MAPK14: variants seen among roughly 807,000 people sequenced by gnomAD.
The protein encoded by MAPK14 is mitogen-activated protein kinase 14.
MAPK14 carries 16 observed loss-of-function variants against 49.6 expected under a neutral mutation model. That is an observed-to-expected ratio of 0.32 (90% CI 0.22 to 0.49). MAPK14 has a LOEUF of 0.49. Ranked by LOEUF, MAPK14 falls within the 20% of genes least tolerant of loss-of-function variation. The pLI, the probability that MAPK14 is intolerant of heterozygous loss-of-function variation, is 0.99. For missense variants in MAPK14, 200 were observed against 441.2 expected, an observed-to-expected ratio of 0.45 and a Z score of 4.90; for synonymous variants, 142 against 158.0, an observed-to-expected ratio of 0.90 and a Z score of 0.76.
In MAPK14 at chr6:36,093,911, G is replaced by A. The variant is rs531789183; in HGVS notation, c.683-2076G>A. Among the ~76,000 whole-genome samples the A allele has an allele frequency of 1.2e-4, 19 of 152,226 alleles. No individual in the cohort carries two copies. In the South Asian group the frequency reaches 3.5e-3, roughly 28 times the overall value. On this transcript the variant is annotated intron_variant, in intron 8 of 11. Coordinates refer to ENST00000229794, the MANE Select transcript of MAPK14 (RefSeq NM_139012.3). The stretch of plus-strand genomic sequence containing the variant: ...CATATATGATTTACTTTATCTTGTG[G>A]TGGCTACCCAGTTAAATATATTCCT...
At chr6:36,104,424 G>A (rs1765738318) in intron 10 of MAPK14, among the ~76,000 whole-genome samples, 1 of 151,762 alleles carries the variant, frequency 6.6e-6, no homozygotes. Context: ...GTCTCGCTCT[G>A]TCGTCCAGGT....
chr6:36,058,882 CTTT>C (rs70975128), intron 2 of MAPK14, among the ~76,000 whole-genome samples: 25 of 128,398 alleles, frequency 1.9e-4, no homozygotes, highest in Admixed American at 3.9e-4. Context: ...GATCCTGACT[CTTT>C]TTTTTTTTTT....
chr6:36,108,148 G>A (rs749105966), intron 11 of MAPK14, among the ~76,000 whole-genome samples: 1 of 152,174 alleles, frequency 6.6e-6, no homozygotes, highest in African/African-American at 2.4e-5. Flanking sequence ...GAGCTTAAAA[G>A]AAGAGGCACT....
At chr6:36,075,421 T>C (rs1446485967) in intron 6 of MAPK14, among the ~76,000 whole-genome samples, 2 of 152,094 alleles carry the variant, frequency 1.3e-5, no homozygotes, top group African/African-American at 2.4e-5. Context: ...CTTGGTGTAA[T>C]GATTCGGTAT....
At chr6:36,114,784 T>C (rs1441352346), downstream of MAPK14, among the ~76,000 whole-genome samples, 4 of 152,238 alleles carry the variant, frequency 2.6e-5, no homozygotes, top group Admixed American at 6.5e-5. Flanking sequence ...AGTTATCCTT[T>C]GTTCAGAAGT....
intron 10 of MAPK14, among the ~76,000 whole-genome samples, chr6:36,105,494 T>A (rs982926587): frequency 2.6e-5 from 4 of 152,200 alleles, no homozygotes; most frequent in Admixed American, 2.6e-4. Context: ...TAACAGAGAC[T>A]TGTCGTATAA....
At chr6:36,096,135 CT>C in intron 9 of MAPK14, 69 bp downstream of exon 9, 3 of 1,088,724 alleles carry the variant, frequency 2.8e-6, no homozygotes, top group Non-Finnish European at 4.2e-6. Flanking sequence ...CCAATCTGTA[CT>C]TTGACCTGGG....
chr6:36,036,646 A>T (rs1479653906), intron 1 of MAPK14, among the ~76,000 whole-genome samples: 1 of 152,364 alleles, frequency 6.6e-6, no homozygotes, highest in South Asian at 2.1e-4. Context: ...GGCAGCAGCC[A>T]TCAACACTGA....
rs766025283 is a variant in MAPK14, at chr6:36,052,736, G to T, written c.154G>T (p.Val52Leu). The T allele has an allele frequency of 3.1e-6, 5 of 1,612,198 alleles. No homozygotes were observed. The South Asian group carries it at 5.5e-5, about 18-fold the overall frequency. Reference sequence around the variant, plus strand: ...CACAAAAACGGGGTTACGTGTGGCAGTGAAGAAGCTCTCCAGACCATTTCA... The same window carrying T: ...CACAAAAACGGGGTTACGTGTGGCATTGAAGAAGCTCTCCAGACCATTTCA... ...FDTKTGLRVA[V>L]KKLSRPFQSI... Residue 52 changes from valine to leucine, a missense_variant, in exon 2 of 12, where the codon GTG (valine) becomes TTG (leucine). Around this residue, in one of 2 missense-constraint regions of MAPK14, gnomAD observed 170 missense variants for 407.0 expected, o/e 0.42. Transcript: ENST00000229794.
At position 36,109,904 on chromosome 6, in the gene MAPK14, T is replaced by C. The variant is rs200420151; in HGVS notation, c.*1457T>C. ...TATGGAAAAGGGTCTTCTTGGCAGC[T>C]TAACATTGACTTCTTGGTTTGGGGA... On this transcript the variant is annotated 3_prime_UTR_variant, in exon 12 of 12. Coordinates refer to ENST00000229794, the MANE Select transcript of MAPK14 (RefSeq NM_139012.3). The C allele has an allele frequency of 5.9e-5, 9 of 152,670 alleles. No individual in the cohort carries two copies. The highest frequency in any genetic ancestry group is 1.0e-4 in the Non-Finnish European group (7 of 68,038). The allele number at this position is 152,670 out of a possible 1,614,324, so 9.5% of individuals were successfully genotyped here. A position where few individuals can be genotyped will look rare whatever the true frequency, so the allele number is the denominator to read the frequency against.
intron 3 of MAPK14, among the ~76,000 whole-genome samples, chr6:36,069,488 C>T (rs575221045): frequency 6.6e-6 from 1 of 152,322 alleles, no homozygotes; most frequent in East Asian, 1.9e-4. Context: ...CAAGATGCTT[C>T]TGCCATAAAT....
At chr6:36,048,052 A>AT (rs1469019843) in intron 1 of MAPK14, among the ~76,000 whole-genome samples, 2 of 147,050 alleles carry the variant, frequency 1.4e-5, no homozygotes, top group African/African-American at 5.1e-5. Context: ...ATTTATTATT[A>AT]TTTTTTTGAG....
intron 6 of MAPK14, 65 bp downstream of exon 6, chr6:36,074,161 C>A: frequency 7.8e-7 from 1 of 1,287,188 alleles, no homozygotes; most frequent in Non-Finnish European, 1.1e-6. Context: ...ACTAAGCAGG[C>A]AGACTTTCTT....
intron 1 of MAPK14, among the ~76,000 whole-genome samples, chr6:36,036,755 T>A (rs201651925): frequency 1.4e-5 from 2 of 142,444 alleles, no homozygotes; most frequent in South Asian, 2.2e-4. Context: ...TTATTTATTT[T>A]TTCTAGATGG....
chr6:36,042,011 GAGA>G (rs1762979838), intron 1 of MAPK14, among the ~76,000 whole-genome samples: 1 of 151,334 alleles, frequency 6.6e-6, no homozygotes, highest in South Asian at 2.1e-4. Flanking sequence ...GGTATTTGGA[GAGA>G]AGAAAAGGAA....
At chr6:36,103,103 T>C (rs1354246032) in intron 10 of MAPK14, among the ~76,000 whole-genome samples, 1 of 152,148 alleles carries the variant, frequency 6.6e-6, no homozygotes, top group Non-Finnish European at 1.5e-5. Flanking sequence ...CTGCCGTTGC[T>C]ACAGATCCTG....
chr6:36,099,743 C>A (rs377765135), intron 9 of MAPK14, among the ~76,000 whole-genome samples: 1 of 152,108 alleles, frequency 6.6e-6, no homozygotes, highest in East Asian at 1.9e-4. Context: ...GAACCTGTGC[C>A]GCAAAAGTTT....
downstream of MAPK14, among the ~76,000 whole-genome samples, chr6:36,114,915 A>G (rs1766034184): frequency 6.6e-6 from 1 of 152,200 alleles, no homozygotes; most frequent in South Asian, 2.1e-4. Flanking sequence ...GTCGACACTC[A>G]AGATACTGGT....
At chr6:36,073,655 G>T in intron 4 of MAPK14, 36 bp from the exon 5 acceptor site, 1 of 1,565,688 alleles carries the variant, frequency 6.4e-7, no homozygotes, top group Non-Finnish European at 8.8e-7. Flanking sequence ...GACAATAGAA[G>T]GTTGGAGGTA....
Sources: gnomAD v4.1 joint callset for allele counts (sites outside exome capture counted in the v4.1 genomes callset) on GRCh38, gnomAD v4.1.1 for gene constraint, gnomAD v4.1.1 regional missense constraint, MANE v1.5 for transcripts, NCBI Gene and HGNC (gene_info 2026-07-23, HGNC 2026-07-21) for gene names.